The following ADGRV1 variants were observed in gnomAD, a reference collection of about 807,000 sequenced individuals.
ADGRV1 encodes the protein adhesion G protein-coupled receptor V1.
ADGRV1 carries 359 observed loss-of-function variants against 596.2 expected under a neutral mutation model. The ratio of observed to expected loss-of-function variants is 0.60; its 90% CI spans 0.55 to 0.66. The LOEUF is 0.66. ADGRV1 is among the 30% of genes least tolerant of loss of function. The pLI is 0.00. For synonymous variants in ADGRV1, 2,681 were observed against 2,679.2 expected, an observed-to-expected ratio of 1.00 and a Z score of -0.02; for missense variants, 7,274 against 7,575.6, an observed-to-expected ratio of 0.96 and a Z score of 1.48.
chr5:91,132,006 C>T (rs1794258038), intron 87 of ADGRV1, among the ~76,000 whole-genome samples: 1 of 152,140 alleles, frequency 6.6e-6, no homozygotes, highest in Non-Finnish European at 1.5e-5. Context: ...TTTCATTCTC[C>T]TGGATATGGC....
At chr5:90,884,374 T>C (rs1770084606) in intron 83 of ADGRV1, among the ~76,000 whole-genome samples, 1 of 152,216 alleles carries the variant, frequency 6.6e-6, no homozygotes, top group Non-Finnish European at 1.5e-5. Flanking sequence ...CTGCACATTT[T>C]ATGAAATGTA....
Position 90,783,885 on chromosome 5 carries a change from G to A in ADGRV1, c.13481G>A (p.Gly4494Glu). Residue 4494 changes from glycine (G) to glutamate (E), a missense_variant, in exon 67 of 90, where the codon GGA becomes GAA. Physicochemically the swap from Gly to Glu is moderately conservative, Grantham distance 98. Coordinates refer to ENST00000405460, the MANE Select transcript of ADGRV1 (RefSeq NM_032119.4). ...IEILLTGATGGAVLGRHLVSR... is the reference protein window; with the variant it reads ...IEILLTGATGEAVLGRHLVSR... ...ATTCTACTCACTGGAGCTACTGGAG[G>A]AGCGGTCCTTGGGCGCCACCTAGTG... The A allele has an allele frequency of 6.2e-7, 1 of 1,611,818 alleles. No individual in the cohort carries two copies. Among genetic ancestry groups the A allele is most frequent in the Non-Finnish European group, 8.5e-7 (1 of 1,179,100 alleles).
intron 83 of ADGRV1, among the ~76,000 whole-genome samples, chr5:90,954,089 T>G (rs1440525698): frequency 6.6e-6 from 1 of 151,828 alleles, no homozygotes; most frequent in Non-Finnish European, 1.5e-5. Flanking sequence ...CGTGGCTTTT[T>G]AATGATAACA....
intron 84 of ADGRV1, among the ~76,000 whole-genome samples, chr5:90,980,035 A>G (rs2151027962): frequency 6.6e-6 from 1 of 152,348 alleles, no homozygotes; most frequent in South Asian, 2.1e-4. Context: ...ATTTTCAAAA[A>G]TAGCATTACA....
intron 5 of ADGRV1, among the ~76,000 whole-genome samples, chr5:90,623,523 T>C (rs1475753785): frequency 6.6e-6 from 1 of 152,186 alleles, no homozygotes; most frequent in Non-Finnish European, 1.5e-5. Flanking sequence ...GCAGTCCTCC[T>C]GTATCAGCAT....
chr5:90,745,827 G>A (rs1444310720), intron 52 of ADGRV1, 32 bp downstream of exon 52: 1 of 1,214,268 alleles, frequency 8.2e-7, no homozygotes, highest in Non-Finnish European at 1.2e-6. Context: ...CACTTGCAAT[G>A]CAAAATGTTT....
intron 1 of ADGRV1, among the ~76,000 whole-genome samples, chr5:90,598,089 G>A (rs1760936708): frequency 6.6e-6 from 1 of 152,136 alleles, no homozygotes; most frequent in Admixed American, 6.6e-5. Flanking sequence ...GGCGTAGTTG[G>A]GAGGCAAGAA....
chr5:90,905,297 T>C (rs1266884583), intron 83 of ADGRV1, among the ~76,000 whole-genome samples: 1 of 152,240 alleles, frequency 6.6e-6, no homozygotes, highest in East Asian at 1.9e-4. Flanking sequence ...TTCGTAGGAA[T>C]TGCATTCAGT....
intron 50 of ADGRV1, among the ~76,000 whole-genome samples, chr5:90,737,537 C>T (rs1195516942): frequency 6.6e-6 from 1 of 151,846 alleles, no homozygotes; most frequent in Non-Finnish European, 1.5e-5. Flanking sequence ...ACTGGGGTCC[C>T]CTACTATTAT....
In ADGRV1 at chr5:90,774,231, G is replaced by A; in HGVS notation, c.12331G>A (p.Val4111Met). 1 of 1,611,812 alleles carries A rather than the reference G, an allele frequency of 6.2e-7. No individual in the cohort carries two copies. Among genetic ancestry groups the A allele is most frequent in the Non-Finnish European group, 8.5e-7 (1 of 1,178,120 alleles). The change falls in exon 60 of 90, where the codon GTG (valine) becomes ATG (methionine). Residue 4111 changes from valine (V) to methionine (M), a missense_variant. Around this residue, in one of 5 missense-constraint regions of ADGRV1, gnomAD observed 3,643 missense variants for 3,809.2 expected, o/e 0.96. Transcript: ENST00000405460. ...TIVLHTLQDT[V>M]LEEDRRFTIQ... ...TGTGTTGCACACACTTCAAGACACAGTGTTGGAGGAGGACAGGCGTTTCAC... is the reference window on the plus strand; with the variant it reads ...TGTGTTGCACACACTTCAAGACACAATGTTGGAGGAGGACAGGCGTTTCAC...
intron 53 of ADGRV1, among the ~76,000 whole-genome samples, chr5:90,752,412 G>A (rs1755365535): frequency 6.6e-6 from 1 of 152,100 alleles, no homozygotes; most frequent in Non-Finnish European, 1.5e-5. Flanking sequence ...CTTAAGCCTA[G>A]TACCCATCAG....
chr5:90,589,532 T>C (rs546965898), intron 1 of ADGRV1, among the ~76,000 whole-genome samples: 36 of 152,370 alleles, frequency 2.4e-4, no homozygotes, highest in African/African-American at 8.4e-4. Context: ...ATCTGTTTTT[T>C]GTTTCAATGT....
intron 83 of ADGRV1, among the ~76,000 whole-genome samples, chr5:90,927,463 C>CT (rs981169338): frequency 3.3e-5 from 5 of 152,060 alleles, no homozygotes; most frequent in Admixed American, 2.0e-4. Flanking sequence ...CAACCCCTGC[C>CT]TTTTTTTGTT....
At chr5:90,561,311 A>G (rs1754802202) in intron 1 of ADGRV1, among the ~76,000 whole-genome samples, 1 of 152,010 alleles carries the variant, frequency 6.6e-6, no homozygotes, top group African/African-American at 2.4e-5. Context: ...AACTAAACCA[A>G]CCTCTTTATT....
intron 87 of ADGRV1, among the ~76,000 whole-genome samples, chr5:91,103,011 G>C (rs1207096554): frequency 6.6e-6 from 1 of 152,168 alleles, no homozygotes; most frequent in African/African-American, 2.4e-5. Context: ...TAGACTAAAA[G>C]AATTTCTTAA....
At chr5:90,644,570 C>T in intron 14 of ADGRV1, 136 bp from the exon 15 acceptor site, 1 of 657,846 alleles carries the variant, frequency 1.5e-6, no homozygotes, top group East Asian at 2.8e-5. Context: ...ACCTTAAAAA[C>T]TGTGCTAAGC....
chr5:90,946,691 A>T (rs1478725512), intron 83 of ADGRV1, among the ~76,000 whole-genome samples: 1 of 151,900 alleles, frequency 6.6e-6, no homozygotes, highest in East Asian at 1.9e-4. Flanking sequence ...TTCAGTTCCC[A>T]TTTATAAGTG....
Position 90,778,529 on chromosome 5 carries a change from A to T in ADGRV1, c.12769A>T (p.Ile4257Phe). The T allele has an allele frequency of 6.2e-7, 1 of 1,612,242 alleles. No individual in the cohort carries two copies. The highest frequency in any genetic ancestry group is 8.5e-7 in the Non-Finnish European group (1 of 1,179,106). The change falls in exon 63 of 90, where the codon ATC becomes TTC. Residue 4257 changes from isoleucine to phenylalanine, a missense_variant. Around this residue, in one of 5 missense-constraint regions of ADGRV1, gnomAD observed 3,643 missense variants for 3,809.2 expected, o/e 0.96. Transcript: ENST00000405460. Reference protein sequence around the residue: ...VLSESSSTANITVVASDSPYG... With the variant: ...VLSESSSTANFTVVASDSPYG... Reference sequence around the variant, plus strand: ...GAGTGAATCCAGCAGCACTGCCAACATCACGGTGGTGGCCAGCGACTCTCC... The same window carrying T: ...GAGTGAATCCAGCAGCACTGCCAACTTCACGGTGGTGGCCAGCGACTCTCC...
intron 72 of ADGRV1, among the ~76,000 whole-genome samples, chr5:90,807,130 C>T (rs1581184416): frequency 6.6e-6 from 1 of 152,150 alleles, no homozygotes; most frequent in Non-Finnish European, 1.5e-5. Flanking sequence ...GGATTACAGG[C>T]GTGAGCCACT....
Sources: gnomAD v4.1 joint callset for allele counts (sites outside exome capture counted in the v4.1 genomes callset) on GRCh38, gnomAD v4.1.1 for gene constraint, gnomAD v4.1.1 regional missense constraint, MANE v1.5 for transcripts, NCBI Gene and HGNC (gene_info 2026-07-23, HGNC 2026-07-21) for gene names.